Variants in HCN1 observed in about 807,000 individuals in gnomAD.
The protein encoded by HCN1 is hyperpolarization activated cyclic nucleotide gated potassium channel 1.
Under a neutral mutation model 78.9 loss-of-function variants are expected in HCN1, and 13 were observed. That is an observed-to-expected ratio of 0.16 (90% CI 0.11 to 0.26). The LOEUF is 0.26. HCN1 is among the 10% of genes least tolerant of loss of function. The pLI is 1.00. For synonymous variants in HCN1, 552 were observed against 455.5 expected (o/e 1.21, Z -2.70); for missense variants, 810 against 1,154.3 (o/e 0.70, Z 4.32).
intron 2 of HCN1, among the ~76,000 whole-genome samples, chr5:45,463,460 T>G (rs1381947471): frequency 6.6e-6 from 1 of 152,030 alleles, no homozygotes; most frequent in Non-Finnish European, 1.5e-5. Context: ...TTGGCAGTTC[T>G]AATTTTAAGG....
intron 4 of HCN1, among the ~76,000 whole-genome samples, chr5:45,375,017 A>T (rs1747573430): frequency 7.3e-6 from 1 of 136,624 alleles, no homozygotes; most frequent in Non-Finnish European, 1.5e-5. Flanking sequence ...TGACTCTGGA[A>T]TCCTATTATT....
intron 4 of HCN1, among the ~76,000 whole-genome samples, chr5:45,394,589 T>C (rs150853513): frequency 1.3e-3 from 201 of 152,272 alleles, no homozygotes; most frequent in African/African-American, 4.8e-3. Context: ...GACTAAAAAA[T>C]GAGTACAGAA....
intron 5 of HCN1, among the ~76,000 whole-genome samples, chr5:45,343,556 T>A (rs1258871049): frequency 6.6e-6 from 1 of 152,182 alleles, no homozygotes; most frequent in African/African-American, 2.4e-5. Context: ...AAAATAGGGC[T>A]AAAGTTTTAC....
chr5:45,431,534 C>T (rs558775952), intron 3 of HCN1, among the ~76,000 whole-genome samples: 26 of 152,092 alleles, frequency 1.7e-4, no homozygotes, highest in South Asian at 1.7e-3. Flanking sequence ...ATGGTATTTC[C>T]TAGGTTATCT....
intron 2 of HCN1, among the ~76,000 whole-genome samples, chr5:45,530,291 A>C (rs1742815264): frequency 6.6e-6 from 1 of 152,120 alleles, no homozygotes; most frequent in African/African-American, 2.4e-5. Context: ...AAACAAAAAT[A>C]AACAGAAGCC....
chr5:45,497,897 A>T (rs1211319342), intron 2 of HCN1, among the ~76,000 whole-genome samples: 2 of 152,162 alleles, frequency 1.3e-5, no homozygotes, highest in Admixed American at 6.5e-5. Flanking sequence ...TTTCTTTAAG[A>T]ATGTTGAATA....
intron 3 of HCN1, among the ~76,000 whole-genome samples, chr5:45,449,081 C>G (rs1740856295): frequency 6.6e-6 from 1 of 152,160 alleles, no homozygotes; most frequent in African/African-American, 2.4e-5. Context: ...GCACTCCAGC[C>G]TGGGCGATGG....
At chr5:45,266,696 C>A (rs4866930) in intron 7 of HCN1, among the ~76,000 whole-genome samples, 2 of 150,722 alleles carry the variant, frequency 1.3e-5, no homozygotes, top group Non-Finnish European at 3.0e-5. Flanking sequence ...TATAAACTGG[C>A]ATGTGGGATT....
chr5:45,614,544 A>C (rs1004805808), intron 2 of HCN1, among the ~76,000 whole-genome samples: 4 of 152,118 alleles, frequency 2.6e-5, no homozygotes, highest in African/African-American at 9.6e-5. Context: ...TGTGGTTTAA[A>C]GTTACCTCAG....
chr5:45,494,285 T>A (rs565034241), intron 2 of HCN1, among the ~76,000 whole-genome samples: 6 of 152,136 alleles, frequency 3.9e-5, no homozygotes, highest in Non-Finnish European at 8.8e-5. Context: ...TTTTGAATGA[T>A]TGCCATTCTA....
At chr5:45,676,999 T>C (rs1268027237) in intron 1 of HCN1, among the ~76,000 whole-genome samples, 5 of 151,798 alleles carry the variant, frequency 3.3e-5, no homozygotes, top group Non-Finnish European at 5.9e-5. Flanking sequence ...TTTTCAGCAG[T>C]TGCTTCATTA....
At chr5:45,404,881 C>A (rs1008820057) in intron 3 of HCN1, among the ~76,000 whole-genome samples, 2 of 151,732 alleles carry the variant, frequency 1.3e-5, no homozygotes, top group African/African-American at 4.8e-5. Flanking sequence ...ATTTAGGGGG[C>A]CAAAACTTTC....
intron 4 of HCN1, among the ~76,000 whole-genome samples, chr5:45,382,470 A>C (rs1453417943): frequency 6.6e-6 from 1 of 152,154 alleles, no homozygotes; most frequent in African/African-American, 2.4e-5. Flanking sequence ...TAAATTCTTC[A>C]TTCCTTTTCT....
Position 45,496,693 on chromosome 5 carries a change from T to C in HCN1, c.850-34686A>G, listed in dbSNP as rs920654616. The stretch of plus-strand genomic sequence containing the variant: ...TTAATTTTTTGAAGGGTTTTTTGTG[T>C]CTCTATTTCCTTCAGTTCTGCTCTG... On this transcript the variant is annotated intron_variant, in intron 2 of 7. Coordinates refer to ENST00000303230, the MANE Select transcript of HCN1 (RefSeq NM_021072.4). Among the ~76,000 whole-genome samples the C allele has an allele frequency of 5.3e-4, 80 of 152,292 alleles. 1 individual carries two copies. Among genetic ancestry groups the C allele is most frequent in the Admixed American group, 9.8e-4 (15 of 15,298 alleles).
intron 3 of HCN1, among the ~76,000 whole-genome samples, chr5:45,404,816 A>G (rs979426149): frequency 1.4e-4 from 21 of 151,734 alleles, no homozygotes; most frequent in African/African-American, 5.1e-4. Context: ...GTAGCCTGCC[A>G]TGGGAACAAA....
intron 3 of HCN1, among the ~76,000 whole-genome samples, chr5:45,435,628 C>T (rs1205918661): frequency 6.6e-6 from 1 of 151,998 alleles, no homozygotes; most frequent in Non-Finnish European, 1.5e-5. Context: ...ATACACTTGC[C>T]ATACATAACA....
At chr5:45,660,690 A>G (rs1341250931) in intron 1 of HCN1, among the ~76,000 whole-genome samples, 2 of 142,044 alleles carry the variant, frequency 1.4e-5, no homozygotes, top group Admixed American at 1.4e-4. Context: ...ACCAACAAAG[A>G]TCAAAAGAGA....
intron 3 of HCN1, among the ~76,000 whole-genome samples, chr5:45,461,329 C>T (rs1741151444): frequency 6.6e-6 from 1 of 151,932 alleles, no homozygotes. Flanking sequence ...AATTTAAAGC[C>T]TACCTTTTCC....
intron 2 of HCN1, among the ~76,000 whole-genome samples, chr5:45,479,118 CTG>C (rs1202545934): frequency 2.1e-5 from 3 of 143,544 alleles, no homozygotes; most frequent in African/African-American, 8.3e-5. Context: ...CAGAGCGAGA[CTG>C]TTTTAAAAAA....
Sources: allele counts gnomAD v4.1 joint callset (sites outside exome capture counted in the v4.1 genomes callset), GRCh38; gene constraint gnomAD v4.1.1; transcripts MANE v1.5; gene names NCBI Gene and HGNC (gene_info 2026-07-23, HGNC 2026-07-21).